The following TTC31 variants were observed in gnomAD, a reference collection of about 807,000 sequenced individuals.
TTC31 encodes tetratricopeptide repeat domain 31, also known as tetratricopeptide repeat protein 31.
A neutral mutation model predicts 60.4 loss-of-function variants in TTC31; 59 were observed. The observed-to-expected ratio is 0.98, with a 90% CI of 0.79 to 1.21. The LOEUF is 1.21. Among genes scored for constraint, TTC31 ranks in the 50% most tolerant of loss-of-function variants. The probability of loss-of-function intolerance (pLI) is 0.00; values close to 1 mark genes in which losing one functional copy is unlikely to be tolerated. For synonymous variants in TTC31, 225 were observed against 249.6 expected (o/e 0.90, Z 0.93); for missense variants, 672 against 646.9 (o/e 1.04, Z -0.42).
At chr2:74,484,880 A>G (rs1389990214) in intron 2 of TTC31, among the ~76,000 whole-genome samples, 1 of 152,114 alleles carries the variant, frequency 6.6e-6, no homozygotes, top group African/African-American at 2.4e-5. Context: ...TTAATTTATC[A>G]TGTTTGTAAA....
intron 2 of TTC31, 67 bp from the exon 3 acceptor site, chr2:74,489,958 G>A (rs556551248): frequency 1.5e-5 from 17 of 1,158,898 alleles, no homozygotes; most frequent in South Asian, 1.2e-4. Flanking sequence ...TCAAGCCAGC[G>A]AAGCCCTTGC....
chr2:74,487,407 C>T (rs1227924523), intron 2 of TTC31, among the ~76,000 whole-genome samples: 3 of 151,922 alleles, frequency 2.0e-5, no homozygotes, highest in African/African-American at 4.8e-5. Context: ...TTAGTAGAGA[C>T]GGGTTTCACC....
chr2:74,489,638 A>G (rs992419291), intron 2 of TTC31, among the ~76,000 whole-genome samples: 2 of 152,148 alleles, frequency 1.3e-5, no homozygotes, highest in African/African-American at 4.8e-5. Context: ...AGCTAGCCTC[A>G]GGGTGGGTTA....
intron 12 of TTC31, 62 bp downstream of exon 12, chr2:74,492,809 C>T (rs1674088086): frequency 1.3e-6 from 2 of 1,597,218 alleles, no homozygotes; most frequent in Admixed American, 3.4e-5. Context: ...GCTGGGACTG[C>T]AATACCAAGC....
At position 74,490,462 on chromosome 2, in the gene TTC31, G is replaced by T; in HGVS notation, c.451G>T (p.Val151Leu). The change falls in exon 4 of 13, where the codon GTG (valine) becomes TTG (leucine). Residue 151 changes from valine (V) to leucine (L), a missense_variant. Coordinates refer to ENST00000233623, the MANE Select transcript of TTC31 (RefSeq NM_022492.6). Reference protein sequence around the residue: ...LQVAMPQKLLVTEEEANRLAE... With the variant: ...LQVAMPQKLLLTEEEANRLAE... ...GGTGGCCATGCCCCAGAAGCTCCTG[G>T]TGACAGAAGAGGTGAGATTCTCAGG... 3 of 1,608,890 alleles carry T rather than the reference G, an allele frequency of 1.9e-6. No individual in the cohort carries two copies. The highest frequency in any genetic ancestry group is 2.5e-6 in the Non-Finnish European group (3 of 1,177,546).
chr2:74,486,122 T>G (rs929009089), intron 2 of TTC31, among the ~76,000 whole-genome samples: 5 of 151,938 alleles, frequency 3.3e-5, no homozygotes, highest in African/African-American at 1.2e-4. Flanking sequence ...AAAAATTAGC[T>G]GGGCATGGTG....
intron 7 of TTC31, 21 bp downstream of exon 7, chr2:74,491,396 T>C (rs745338392): frequency 1.2e-6 from 2 of 1,614,190 alleles, no homozygotes; most frequent in Non-Finnish European, 1.7e-6. Context: ...CTTTTTTCCC[T>C]TCTTGGTCTC....
In TTC31 at chr2:74,492,638, G is replaced by T; in HGVS notation, c.1162-8G>T. The T allele has an allele frequency of 2.5e-6, 4 of 1,614,132 alleles. No individual in the cohort carries two copies. The highest frequency in any genetic ancestry group is 3.4e-6 in the Non-Finnish European group (4 of 1,180,004). On this transcript the variant is annotated splice_region_variant and splice_polypyrimidine_tract_variant and intron_variant, in intron 11 of 12. Coordinates refer to ENST00000233623, the MANE Select transcript of TTC31 (RefSeq NM_022492.6). Reference sequence around the variant, plus strand: ...AATCTTTTCTTTCTGATCCCTCTGGGACCAAAGCGCTTCAGAGAGGCAGCT... The same window carrying T: ...AATCTTTTCTTTCTGATCCCTCTGGTACCAAAGCGCTTCAGAGAGGCAGCT...
chr2:74,490,774 C>T, intron 5 of TTC31, 35 bp downstream of exon 5: 1 of 1,590,310 alleles, frequency 6.3e-7, no homozygotes. Flanking sequence ...GCAGGGGAGC[C>T]AAAGGGATTT....
chr2:74,492,527 C>T (rs1280084217), intron 11 of TTC31, 82 bp downstream of exon 11: 5 of 1,534,472 alleles, frequency 3.3e-6, no homozygotes, highest in East Asian at 4.5e-5. Flanking sequence ...TCTAGATAAG[C>T]TTCTAGTACC....
intron 2 of TTC31, 31 bp downstream of exon 2, chr2:74,483,441 T>C: frequency 1.2e-6 from 2 of 1,614,090 alleles, no homozygotes; most frequent in Non-Finnish European, 1.7e-6. Context: ...CCCCCAGTCC[T>C]GCTCATTTTG....
chr2:74,483,358 C>G lies in TTC31; in HGVS notation c.77C>G (p.Ala26Gly), dbSNP rs1483260616. The change falls in exon 2 of 13, where the codon GCT (alanine) becomes GGT (glycine). Residue 26 changes from alanine (A) to glycine (G), a missense_variant. By Grantham distance (60) the Ala-to-Gly change is moderately conservative. Coordinates refer to ENST00000233623, the MANE Select transcript of TTC31 (RefSeq NM_022492.6). ...CGGCCCAGCTGCCCACTGGAGGTCG[C>G]TGCTGCACCCAAACTTTGCAAGGAA... ...SLRPSCPLEV[A>G]AAPKLCKEFG... 2.5e-6 allele frequency: 4 copies of G among 1,614,126 alleles called. No individual in the cohort carries two copies. The East Asian group carries it at 6.7e-5, about 27-fold the overall frequency.
At chr2:74,483,435 C>G (rs374507059) in intron 2 of TTC31, 25 bp downstream of exon 2, 44 of 1,614,158 alleles carry the variant, frequency 2.7e-5, no homozygotes, top group African/African-American at 1.7e-4. Flanking sequence ...CAGTTTCCCC[C>G]AGTCCTGCTC....
At chr2:74,486,294 T>G (rs1400432047) in intron 2 of TTC31, among the ~76,000 whole-genome samples, 1 of 151,854 alleles carries the variant, frequency 6.6e-6, no homozygotes. Flanking sequence ...ACTCACTGTG[T>G]CACACATGTT....
At chr2:74,492,486 G>A (rs375917341) in intron 11 of TTC31, 41 bp downstream of exon 11, 7 of 1,526,496 alleles carry the variant, frequency 4.6e-6, no homozygotes, top group African/African-American at 1.4e-5. Context: ...ATTTGAGTGG[G>A]ATGGAGTGGG....
chr2:74,483,281 T>A lies in TTC31; in HGVS notation c.41-41T>A, dbSNP rs761558785. On this transcript the variant is annotated intron_variant, in intron 1 of 12. Coordinates refer to ENST00000233623, the MANE Select transcript of TTC31 (RefSeq NM_022492.6). ...AGTGGGGAGGACTCTAGCCCATCTGTCCCGAGCCCGCTGACGAGGCTCCGC... is the reference window on the plus strand; with the variant it reads ...AGTGGGGAGGACTCTAGCCCATCTGACCCGAGCCCGCTGACGAGGCTCCGC... The A allele has an allele frequency of 1.9e-5, 30 of 1,613,230 alleles. No individual in the cohort carries two copies. The East Asian group carries it at 6.5e-4, about 35-fold the overall frequency.
chr2:74,486,762 G>A (rs1029625761), intron 2 of TTC31, among the ~76,000 whole-genome samples: 1 of 152,076 alleles, frequency 6.6e-6, no homozygotes, highest in East Asian at 1.9e-4. Flanking sequence ...GCATGGTGGT[G>A]CATGCCTGTA....
Position 74,483,133 on chromosome 2 carries a change from T to C in TTC31, c.38T>C (p.Leu13Pro). 1 of 1,614,152 alleles carries C rather than the reference T, an allele frequency of 6.2e-7. No homozygotes were observed. The highest frequency in any genetic ancestry group is 1.7e-4 in the Middle Eastern group (1 of 6,060). The change falls in exon 1 of 13, where the codon CTA becomes CCA. Residue 13 changes from leucine (L) to proline (P), a missense_variant and splice_region_variant. Physicochemically the swap from Leu to Pro is moderately conservative, Grantham distance 98. Coordinates refer to ENST00000233623, the MANE Select transcript of TTC31 (RefSeq NM_022492.6). ...CCAAAGACTGTGGGGCGGATCAAGCTAGGTGAGCGGTATGACAAGACCAGT... is the reference window on the plus strand; with the variant it reads ...CCAAAGACTGTGGGGCGGATCAAGCCAGGTGAGCGGTATGACAAGACCAGT... ...PIPKTVGRIK[L>P]DCSLRPSCPL...
chr2:74,490,434 T>C lies in TTC31; in HGVS notation c.423T>C (p.Leu141=), dbSNP rs1673711099. ...ATFPSVSDSL[L]QVAMPQKLLV... is the part of the protein sequence containing the mutation. ...TCCCCAGTGTCTCAGACAGCCTGCT[T>C]CAGGTGGCCATGCCCCAGAAGCTCC... is the stretch of plus-strand genomic sequence containing the variant. The change falls in exon 4 of 13, where the codon CTT becomes CTC. Residue 141 remains leucine, a synonymous_variant. Coordinates refer to ENST00000233623, the MANE Select transcript of TTC31 (RefSeq NM_022492.6). The C allele has an allele frequency of 6.8e-6, 11 of 1,613,376 alleles. No homozygotes were observed. Among genetic ancestry groups the C allele is most frequent in the Non-Finnish European group, 9.3e-6 (11 of 1,179,698 alleles).
Sources: gnomAD v4.1 joint callset for allele counts (sites outside exome capture counted in the v4.1 genomes callset) on GRCh38, gnomAD v4.1.1 for gene constraint, MANE v1.5 for transcripts, NCBI Gene and HGNC (gene_info 2026-07-23, HGNC 2026-07-21) for gene names.